The following NKAIN2 variants were observed in gnomAD, a reference collection of about 807,000 sequenced individuals.
The protein encoded by NKAIN2 is sodium/potassium-transporting ATPase subunit beta-1-interacting protein 2.
In NKAIN2, 14 loss-of-function variants were observed where a neutral mutation model predicts 32.6. The ratio of observed to expected loss-of-function variants is 0.43; its 90% CI spans 0.28 to 0.67. The LOEUF is 0.67. Among genes scored for constraint, NKAIN2 ranks in the 30% least tolerant of loss-of-function variants. The pLI is 0.17. For synonymous variants in NKAIN2, 80 were observed against 87.2 expected, an observed-to-expected ratio of 0.92 and a Z score of 0.46; for missense variants, 198 against 258.3, an observed-to-expected ratio of 0.77 and a Z score of 1.60.
chr6:124,477,711 TTACTCTTCCC>T (rs1777281073), intron 3 of NKAIN2, among the ~76,000 whole-genome samples: 1 of 4,406 alleles, frequency 2.3e-4, no homozygotes, highest in Non-Finnish European at 4.1e-4. Flanking sequence ...TCCCTCCCCC[TTACTCTTCCC>T]CCTTCCCCCT....
chr6:124,149,499 A>G (rs532235980), intron 1 of NKAIN2, among the ~76,000 whole-genome samples: 5 of 152,342 alleles, frequency 3.3e-5, no homozygotes, highest in Admixed American at 1.3e-4. Context: ...TTATTTGCAT[A>G]TAGATACCCA....
chr6:124,744,035 C>T (rs1777348679), intron 4 of NKAIN2, among the ~76,000 whole-genome samples: 1 of 151,722 alleles, frequency 6.6e-6, no homozygotes, highest in Admixed American at 6.6e-5. Context: ...TAGAAAAAAT[C>T]TACATAAAAA....
intron 1 of NKAIN2, among the ~76,000 whole-genome samples, chr6:124,204,731 C>A (rs1206933924): frequency 6.6e-6 from 1 of 151,478 alleles, no homozygotes; most frequent in Admixed American, 6.6e-5. Flanking sequence ...TCTAGGTACC[C>A]AAATGACATT....
intron 1 of NKAIN2, among the ~76,000 whole-genome samples, chr6:124,235,675 T>G (rs1792713034): frequency 6.6e-6 from 1 of 151,684 alleles, no homozygotes. Flanking sequence ...CTTAGCTCAC[T>G]GCAACCTCTG....
At chr6:124,329,683 T>A (rs1002250796) in intron 2 of NKAIN2, among the ~76,000 whole-genome samples, 1 of 152,214 alleles carries the variant, frequency 6.6e-6, no homozygotes, top group East Asian at 1.9e-4. Context: ...AGAAGACACC[T>A]ACACTTGCAC....
At chr6:123,909,877 G>A (rs1883870) in intron 1 of NKAIN2, among the ~76,000 whole-genome samples, 85,562 of 151,698 alleles carry the variant, frequency 0.56, 24,448 homozygotes, top group East Asian at 0.71. Flanking sequence ...CAATTAGCAC[G>A]TAAGTGTGCA....
chr6:124,805,256 TG>T (rs1310779159), intron 5 of NKAIN2, among the ~76,000 whole-genome samples: 1 of 152,184 alleles, frequency 6.6e-6, no homozygotes, highest in Non-Finnish European at 1.5e-5. Context: ...AGGGGCAGAC[TG>T]ACATCTCACA....
In NKAIN2 at chr6:124,724,944, C is replaced by T. The variant is rs78727143; in HGVS notation, c.475-66395C>T. Among the ~76,000 whole-genome samples, 1,014 of 152,296 alleles carry T rather than the reference C, an allele frequency of 6.7e-3. 3 individuals are homozygous for T. Among genetic ancestry groups the T allele is most frequent in the Middle Eastern group, 0.02 (6 of 294 alleles). ...AAGTTGAGTTGATCCCTTTTAATCA[C>T]TATTTTATCCTCTTAAGGTCAAAGG... On this transcript the variant is annotated intron_variant, in intron 4 of 6. Coordinates refer to ENST00000368417, the MANE Select transcript of NKAIN2 (RefSeq NM_001040214.3).
chr6:124,106,441 A>G (rs73563201), intron 1 of NKAIN2, among the ~76,000 whole-genome samples: 2,666 of 152,320 alleles, frequency 0.018, 77 homozygotes, highest in African/African-American at 0.061. Context: ...GTTTGTATCT[A>G]TGATATCATA....
intron 3 of NKAIN2, among the ~76,000 whole-genome samples, chr6:124,556,842 T>C (rs868593378): frequency 6.6e-6 from 1 of 152,196 alleles, no homozygotes; most frequent in South Asian, 2.1e-4. Context: ...AATCCAACTT[T>C]CAGACTAAAT....
At chr6:124,092,988 A>T (rs1000706788) in intron 1 of NKAIN2, among the ~76,000 whole-genome samples, 6 of 151,974 alleles carry the variant, frequency 3.9e-5, no homozygotes, top group African/African-American at 1.4e-4. Flanking sequence ...TTTTATCATC[A>T]CTGCTTGAGG....
chr6:124,057,360 C>A (rs988167220), intron 1 of NKAIN2, among the ~76,000 whole-genome samples: 3 of 152,030 alleles, frequency 2.0e-5, no homozygotes, highest in Non-Finnish European at 4.4e-5. Flanking sequence ...TGGTTGAATG[C>A]ACAACTTAAA....
intron 1 of NKAIN2, among the ~76,000 whole-genome samples, chr6:123,846,954 C>T (rs1175811434): frequency 6.6e-6 from 1 of 152,150 alleles, no homozygotes; most frequent in Admixed American, 6.5e-5. Flanking sequence ...ATGAACATGT[C>T]CTTATCGCAC....
chr6:124,731,416 G>A (rs527766845), intron 4 of NKAIN2, among the ~76,000 whole-genome samples: 74 of 150,952 alleles, frequency 4.9e-4, no homozygotes, highest in African/African-American at 1.7e-3. Context: ...GTAGGGACAT[G>A]GATGAAATTG....
intron 1 of NKAIN2, among the ~76,000 whole-genome samples, chr6:124,159,923 G>T (rs1160526178): frequency 6.6e-6 from 1 of 152,144 alleles, no homozygotes; most frequent in African/African-American, 2.4e-5. Flanking sequence ...AAAAATATTC[G>T]ATGTTCTACA....
intron 3 of NKAIN2, among the ~76,000 whole-genome samples, chr6:124,377,223 C>A (rs75760617): frequency 0.013 from 1,930 of 152,278 alleles, 35 homozygotes; most frequent in African/African-American, 0.043. Context: ...TCACCATTTA[C>A]CATTATTCTC....
At chr6:124,422,840 A>C (rs1774816788) in intron 3 of NKAIN2, among the ~76,000 whole-genome samples, 1 of 152,212 alleles carries the variant, frequency 6.6e-6, no homozygotes, top group Non-Finnish European at 1.5e-5. Flanking sequence ...TGACCTTTCC[A>C]ACAGATAGTA....
chr6:123,813,202 C>G (rs1773552022), intron 1 of NKAIN2, among the ~76,000 whole-genome samples: 1 of 152,176 alleles, frequency 6.6e-6, no homozygotes, highest in African/African-American at 2.4e-5. Context: ...GGAGTGCTGC[C>G]TTCTGTGGTC....
At chr6:123,884,363 T>C (rs2114343871) in intron 1 of NKAIN2, among the ~76,000 whole-genome samples, 1 of 152,242 alleles carries the variant, frequency 6.6e-6, no homozygotes, top group South Asian at 2.1e-4. Context: ...TTTATAGCAG[T>C]GCAAGAACAG....
Sources: gnomAD v4.1 joint callset for allele counts (sites outside exome capture counted in the v4.1 genomes callset) on GRCh38, gnomAD v4.1.1 for gene constraint, MANE v1.5 for transcripts, NCBI Gene and HGNC (gene_info 2026-07-23, HGNC 2026-07-21) for gene names.